The following UNC5D variants were observed in gnomAD, a reference collection of about 807,000 sequenced individuals.
The protein encoded by UNC5D is netrin receptor UNC5D.
In UNC5D, 39 loss-of-function variants were observed where a neutral mutation model predicts 105.4. That is an observed-to-expected ratio of 0.37 (90% CI 0.29 to 0.48). The LOEUF is 0.48. UNC5D is among the 20% of genes least tolerant of loss of function. UNC5D has a pLI of 0.98. For synonymous variants in UNC5D, 452 were observed against 450.4 expected, an observed-to-expected ratio of 1.00 and a Z score of -0.04; for missense variants, 991 against 1,202.4, an observed-to-expected ratio of 0.82 and a Z score of 2.60.
intron 2 of UNC5D, among the ~76,000 whole-genome samples, chr8:35,550,054 T>C (rs955335943): frequency 6.6e-6 from 1 of 151,912 alleles, no homozygotes; most frequent in African/African-American, 2.4e-5. Flanking sequence ...GGACCATCTT[T>C]ACATTATTAG....
intron 1 of UNC5D, among the ~76,000 whole-genome samples, chr8:35,267,002 A>C (rs1245047542): frequency 6.6e-6 from 1 of 152,072 alleles, no homozygotes; most frequent in Non-Finnish European, 1.5e-5. Flanking sequence ...CCAGATTGAA[A>C]GGTTGGAGAC....
chr8:35,287,951 G>T (rs191947415), intron 1 of UNC5D, among the ~76,000 whole-genome samples: 1 of 151,872 alleles, frequency 6.6e-6, no homozygotes, highest in African/African-American at 2.4e-5. Flanking sequence ...AGTGAAGAAG[G>T]CCTATGAAAA....
intron 1 of UNC5D, among the ~76,000 whole-genome samples, chr8:35,312,487 G>A (rs1428243667): frequency 6.6e-6 from 1 of 152,104 alleles, no homozygotes; most frequent in Admixed American, 6.6e-5. Context: ...ATTTCAAGTT[G>A]GAGAAGAATG....
At chr8:35,631,416 A>C (rs927609786) in intron 4 of UNC5D, among the ~76,000 whole-genome samples, 1 of 152,218 alleles carries the variant, frequency 6.6e-6, no homozygotes, top group East Asian at 1.9e-4. Flanking sequence ...ACAGCTTGAC[A>C]TAGTTCTTCA....
At chr8:35,436,623 T>C (rs1377362879) in intron 1 of UNC5D, among the ~76,000 whole-genome samples, 1 of 151,782 alleles carries the variant, frequency 6.6e-6, no homozygotes, top group Admixed American at 6.6e-5. Context: ...AAATTTTTAG[T>C]ATTAGATTGT....
intron 1 of UNC5D, among the ~76,000 whole-genome samples, chr8:35,323,416 G>C (rs933872735): frequency 6.6e-6 from 1 of 151,854 alleles, no homozygotes; most frequent in Non-Finnish European, 1.5e-5. Flanking sequence ...GAAATGCAAC[G>C]TACCATTTTT....
chr8:35,535,648 G>T (rs1196751130), intron 1 of UNC5D, among the ~76,000 whole-genome samples: 1 of 151,956 alleles, frequency 6.6e-6, no homozygotes, highest in African/African-American at 2.4e-5. Context: ...AAAAAAATAC[G>T]TAAAATATTC....
At chr8:35,741,249 G>C (rs1829744399) in intron 11 of UNC5D, among the ~76,000 whole-genome samples, 1 of 152,074 alleles carries the variant, frequency 6.6e-6, no homozygotes, top group Non-Finnish European at 1.5e-5. Flanking sequence ...ATGCAAACAG[G>C]GTAATCTCTC....
chr8:35,359,909 C>T (rs1262212987), intron 1 of UNC5D, among the ~76,000 whole-genome samples: 1 of 152,074 alleles, frequency 6.6e-6, no homozygotes, highest in Non-Finnish European at 1.5e-5. Context: ...ATGCAGTGAG[C>T]CAAATTACTG....
At chr8:35,337,894 C>T (rs1289525523) in intron 1 of UNC5D, among the ~76,000 whole-genome samples, 1 of 152,208 alleles carries the variant, frequency 6.6e-6, no homozygotes, top group Non-Finnish European at 1.5e-5. Context: ...CATTATTTCA[C>T]TTCTGCATTA....
chr8:35,271,661 T>G (rs374863991), intron 1 of UNC5D, among the ~76,000 whole-genome samples: 16 of 122,032 alleles, frequency 1.3e-4, no homozygotes, highest in East Asian at 5.3e-4. Flanking sequence ...ATACCTATAT[T>G]TATACAGGTA....
intron 4 of UNC5D, among the ~76,000 whole-genome samples, chr8:35,667,821 G>A (rs1045781461): frequency 6.6e-6 from 1 of 152,118 alleles, no homozygotes; most frequent in Non-Finnish European, 1.5e-5. Flanking sequence ...GTATTTCATT[G>A]AGTAAATGTG....
chr8:35,402,467 G>A (rs562530341), intron 1 of UNC5D, among the ~76,000 whole-genome samples: 9 of 152,164 alleles, frequency 5.9e-5, no homozygotes, highest in Non-Finnish European at 1.3e-4. Flanking sequence ...GAATTATCTC[G>A]CACTGGGTTT....
At chr8:35,430,326 C>G (rs1806540103) in intron 1 of UNC5D, among the ~76,000 whole-genome samples, 1 of 151,894 alleles carries the variant, frequency 6.6e-6, no homozygotes, top group African/African-American at 2.4e-5. Flanking sequence ...GCTGGCACAC[C>G]CTGAGAGGGC....
rs1437227499 is a variant in UNC5D, at chr8:35,715,526, T to C, written c.1118-6684T>C. On this transcript the variant is annotated intron_variant, in intron 8 of 16. Coordinates refer to ENST00000404895, the MANE Select transcript of UNC5D (RefSeq NM_080872.4). Reference sequence around the variant, plus strand: ...CTGATTGGGGAGATTATGGAACAAGTATTAAGAAATATTTAATGTTAAAAA... The same window carrying C: ...CTGATTGGGGAGATTATGGAACAAGCATTAAGAAATATTTAATGTTAAAAA... 5.3e-5 allele frequency among the ~76,000 whole-genome samples: 8 copies of C among 152,216 alleles called. No individual in the cohort carries two copies. In the East Asian group the frequency reaches 1.5e-3, roughly 29 times the overall value.
chr8:35,617,505 A>C (rs913874680), intron 4 of UNC5D, among the ~76,000 whole-genome samples: 5 of 152,166 alleles, frequency 3.3e-5, no homozygotes, highest in Non-Finnish European at 5.9e-5. Flanking sequence ...ATTGCATTGC[A>C]CAGCTCTCAA....
At chr8:35,644,293 A>G (rs946671223) in intron 4 of UNC5D, among the ~76,000 whole-genome samples, 1 of 152,046 alleles carries the variant, frequency 6.6e-6, no homozygotes, top group African/African-American at 2.4e-5. Context: ...ATCCCATAGG[A>G]CAATTGTATA....
intron 16 of UNC5D, among the ~76,000 whole-genome samples, chr8:35,777,241 G>A (rs945921561): frequency 3.3e-5 from 5 of 151,996 alleles, no homozygotes; most frequent in African/African-American, 9.7e-5. Context: ...GCAACAGAGC[G>A]AGACTCTGTC....
chr8:35,735,874 G>A lies in UNC5D; in HGVS notation c.1766+4778G>A, dbSNP rs1436631190. Among the ~76,000 whole-genome samples the A allele has an allele frequency of 2.6e-5, 4 of 152,190 alleles. No homozygotes were observed. The East Asian group carries it at 7.7e-4, about 29-fold the overall frequency. ...TCAGAAATGTCCTTGGACTATTTGA[G>A]AGGACCTCATCTCCAAAAGAGTAAA... On this transcript the variant is annotated intron_variant, in intron 11 of 16. Transcript: ENST00000404895.
Sources: gnomAD v4.1 joint callset for allele counts (sites outside exome capture counted in the v4.1 genomes callset) on GRCh38, gnomAD v4.1.1 for gene constraint, MANE v1.5 for transcripts, NCBI Gene and HGNC (gene_info 2026-07-23, HGNC 2026-07-21) for gene names.